HS3ST4: variants seen among roughly 807,000 people sequenced by gnomAD.
HS3ST4 encodes heparan sulfate-glucosamine 3-sulfotransferase 4, also known as heparan sulfate glucosamine 3-O-sulfotransferase 4.
In HS3ST4, 17 loss-of-function variants were observed where a neutral mutation model predicts 29.2. That is an observed-to-expected ratio of 0.58 (90% CI 0.40 to 0.87). The LOEUF is 0.87. HS3ST4 is among the 40% of genes least tolerant of loss of function. The pLI, the probability that HS3ST4 is intolerant of heterozygous loss-of-function variation, is 0.00. For synonymous variants in HS3ST4, 314 were observed against 285.7 expected, an observed-to-expected ratio of 1.10 and a Z score of -1.00; for missense variants, 627 against 634.5, an observed-to-expected ratio of 0.99 and a Z score of 0.13.
chr16:25,977,875 T>C (rs1302703032), intron 1 of HS3ST4, among the ~76,000 whole-genome samples: 1 of 152,180 alleles, frequency 6.6e-6, no homozygotes, highest in African/African-American at 2.4e-5. Context: ...AGGTACAGAT[T>C]GCCGCCCCCT....
At chr16:25,753,378 C>T (rs1966733814) in intron 1 of HS3ST4, among the ~76,000 whole-genome samples, 1 of 152,196 alleles carries the variant, frequency 6.6e-6, no homozygotes, top group Non-Finnish European at 1.5e-5. Flanking sequence ...ATCTTTCTTT[C>T]ATAGTCCAGG....
At chr16:26,128,306 C>A (rs1219124125) in intron 1 of HS3ST4, among the ~76,000 whole-genome samples, 2 of 152,120 alleles carry the variant, frequency 1.3e-5, no homozygotes, top group African/African-American at 2.4e-5. Context: ...CAACATATAC[C>A]CCATAGTTGG....
At chr16:26,057,050 C>T (rs1489955903) in intron 1 of HS3ST4, among the ~76,000 whole-genome samples, 2 of 152,172 alleles carry the variant, frequency 1.3e-5, no homozygotes, top group African/African-American at 4.8e-5. Context: ...TGAGTGTCAA[C>T]ATGATGCTCA....
At chr16:25,913,782 G>T (rs1968263110) in intron 1 of HS3ST4, among the ~76,000 whole-genome samples, 1 of 151,574 alleles carries the variant, frequency 6.6e-6, no homozygotes. Flanking sequence ...GGTGTATGTG[G>T]ATGTGGAGGG....
In HS3ST4 at chr16:25,828,242, C is replaced by CTT. The variant is rs1371928058; in HGVS notation, c.734+135092_734+135093insTT. 4.6e-3 allele frequency among the ~76,000 whole-genome samples: 342 copies of CTT among 74,996 alleles called. 10 individuals carry two copies. Among genetic ancestry groups the CTT allele is most frequent in the Middle Eastern group, 0.021 (3 of 142 alleles). The allele number at this position is 74,996 out of a possible 152,430, so 49.2% of individuals were successfully genotyped here. On this transcript the variant is annotated intron_variant, in intron 1 of 1. Coordinates refer to ENST00000331351, the MANE Select transcript of HS3ST4 (RefSeq NM_006040.3). ...CTTTCCTTTCTTTCTTTCTTTCTTTCTCTTTCTTTCTTTCTTTCTTTCTTT... is the reference window on the plus strand; with the variant it reads ...CTTTCCTTTCTTTCTTTCTTTCTTTCTTTCTTTCTTTCTTTCTTTCTTTCTTT...
intron 1 of HS3ST4, among the ~76,000 whole-genome samples, chr16:25,924,967 G>A (rs1471506961): frequency 1.3e-5 from 2 of 152,006 alleles, no homozygotes; most frequent in Admixed American, 1.3e-4. Flanking sequence ...TCTTGCTTAA[G>A]CAACACGTAG....
intron 1 of HS3ST4, among the ~76,000 whole-genome samples, chr16:25,943,117 ATATTTTATTTTAT>A (rs1968589373): frequency 1.3e-5 from 2 of 152,160 alleles, no homozygotes. Context: ...CTTATCAACT[ATATTTTATTTTAT>A]TATTTTATTT....
At chr16:25,900,046 G>C (rs1302548525) in intron 1 of HS3ST4, among the ~76,000 whole-genome samples, 3 of 152,214 alleles carry the variant, frequency 2.0e-5, no homozygotes, top group Non-Finnish European at 4.4e-5. Context: ...TTGTTAGCTA[G>C]AAGTTCTGTC....
chr16:25,760,651 T>G (rs1567234422), intron 1 of HS3ST4, among the ~76,000 whole-genome samples: 1 of 152,132 alleles, frequency 6.6e-6, no homozygotes, highest in Non-Finnish European at 1.5e-5. Context: ...ACTCCTGACC[T>G]CAAATGATCC....
At chr16:25,854,730 C>A (rs967058237) in intron 1 of HS3ST4, among the ~76,000 whole-genome samples, 1 of 151,666 alleles carries the variant, frequency 6.6e-6, no homozygotes, top group Non-Finnish European at 1.5e-5. Context: ...CCGTTATAAT[C>A]CACTGTTATT....
chr16:25,869,687 A>G (rs1307118252), intron 1 of HS3ST4, among the ~76,000 whole-genome samples: 2 of 152,142 alleles, frequency 1.3e-5, no homozygotes, highest in African/African-American at 4.8e-5. Flanking sequence ...GCCTAGTATC[A>G]ATTCATATGA....
intron 1 of HS3ST4, among the ~76,000 whole-genome samples, chr16:26,067,394 A>G (rs1426907633): frequency 2.6e-5 from 4 of 152,092 alleles, no homozygotes; most frequent in African/African-American, 9.7e-5. Flanking sequence ...TCATGTCCCA[A>G]GGGAGACATG....
At chr16:26,093,152 T>G (rs572774194) in intron 1 of HS3ST4, among the ~76,000 whole-genome samples, 2 of 152,334 alleles carry the variant, frequency 1.3e-5, no homozygotes, top group South Asian at 4.1e-4. Flanking sequence ...TACACCTCTG[T>G]GGGCAGGGCT....
intron 1 of HS3ST4, among the ~76,000 whole-genome samples, chr16:25,957,296 G>T (rs1409226989): frequency 6.6e-6 from 1 of 152,202 alleles, no homozygotes; most frequent in Non-Finnish European, 1.5e-5. Flanking sequence ...TCTGGCAAAG[G>T]CCTGGAAAGG....
intron 1 of HS3ST4, among the ~76,000 whole-genome samples, chr16:25,844,577 A>G (rs893027751): frequency 6.6e-6 from 1 of 152,198 alleles, no homozygotes; most frequent in African/African-American, 2.4e-5. Flanking sequence ...ACACACACAC[A>G]ATAGGAACGC....
chr16:25,877,879 C>A (rs771264904), intron 1 of HS3ST4, among the ~76,000 whole-genome samples: 2 of 152,182 alleles, frequency 1.3e-5, no homozygotes, highest in Non-Finnish European at 2.9e-5. Flanking sequence ...ATTTACTGTG[C>A]GCTAAGCACT....
At chr16:25,772,913 T>C (rs892138099) in intron 1 of HS3ST4, among the ~76,000 whole-genome samples, 5 of 152,118 alleles carry the variant, frequency 3.3e-5, no homozygotes, top group African/African-American at 1.2e-4. Flanking sequence ...CAGACCAAGG[T>C]TGAAGATGCC....
At chr16:26,020,168 C>G (rs916806684) in intron 1 of HS3ST4, among the ~76,000 whole-genome samples, 1 of 152,160 alleles carries the variant, frequency 6.6e-6, no homozygotes, top group African/African-American at 2.4e-5. Flanking sequence ...GCCCAGAGAA[C>G]ACAGTGGCAG....
At chr16:25,733,832 T>C (rs1326144710) in intron 1 of HS3ST4, among the ~76,000 whole-genome samples, 2 of 152,062 alleles carry the variant, frequency 1.3e-5, no homozygotes, top group East Asian at 1.9e-4. Flanking sequence ...CAAAGACACA[T>C]TGGGTGCCGG....
Sources: allele counts gnomAD v4.1 joint callset (sites outside exome capture counted in the v4.1 genomes callset), GRCh38; gene constraint gnomAD v4.1.1; transcripts MANE v1.5; gene names NCBI Gene and HGNC (gene_info 2026-07-23, HGNC 2026-07-21).